B3GLCT: variants seen among roughly 807,000 people sequenced by gnomAD.
The protein encoded by B3GLCT is beta 3-glucosyltransferase.
In B3GLCT, 65 loss-of-function variants were observed where a neutral mutation model predicts 63.4. The observed-to-expected ratio is 1.03, with a 90% CI of 0.84 to 1.26. B3GLCT has a LOEUF of 1.26. Among genes scored for constraint, B3GLCT ranks in the 50% most tolerant of loss-of-function variants. The pLI, the probability that B3GLCT is intolerant of heterozygous loss-of-function variation, is 0.00. For synonymous variants in B3GLCT, 233 were observed against 219.2 expected (o/e 1.06, Z -0.55); for missense variants, 577 against 604.8 (o/e 0.95, Z 0.48).
intron 13 of B3GLCT, among the ~76,000 whole-genome samples, chr13:31,320,389 G>C (rs1875275336): frequency 6.6e-6 from 1 of 152,176 alleles, no homozygotes; most frequent in Admixed American, 6.5e-5. Context: ...GAAAGCCCAA[G>C]AAAAGTTTTG....
At chr13:31,274,476 T>C in intron 8 of B3GLCT, 33 bp from the exon 9 acceptor site, 1 of 1,614,134 alleles carries the variant, frequency 6.2e-7, no homozygotes, top group Non-Finnish European at 8.5e-7. Flanking sequence ...GACTGAGTTC[T>C]TTCATCACTG....
At chr13:31,299,059 G>A (rs950496464) in intron 12 of B3GLCT, among the ~76,000 whole-genome samples, 4 of 152,118 alleles carry the variant, frequency 2.6e-5, no homozygotes, top group African/African-American at 4.8e-5. Context: ...TTATTCCAAC[G>A]TACTCCTGCC....
At chr13:31,214,769 A>G (rs1049467018) in intron 1 of B3GLCT, among the ~76,000 whole-genome samples, 3 of 152,208 alleles carry the variant, frequency 2.0e-5, no homozygotes, top group African/African-American at 4.8e-5. Context: ...TTTATAGTTT[A>G]TGTCTATAGA....
intron 12 of B3GLCT, among the ~76,000 whole-genome samples, chr13:31,293,597 C>A (rs150704331): frequency 9.7e-4 from 147 of 152,244 alleles, no homozygotes; most frequent in African/African-American, 2.6e-3. Context: ...GTTTAAAGAT[C>A]TGTTTTATCA....
chr13:31,326,127 A>G (rs1875591551), intron 14 of B3GLCT, among the ~76,000 whole-genome samples: 1 of 152,142 alleles, frequency 6.6e-6, no homozygotes, highest in Non-Finnish European at 1.5e-5. Context: ...GGTAAACTGT[A>G]TGGGATGGAA....
chr13:31,212,298 G>A (rs1433313940), intron 1 of B3GLCT, among the ~76,000 whole-genome samples: 7 of 140,962 alleles, frequency 5.0e-5, no homozygotes, highest in Admixed American at 3.6e-4. Flanking sequence ...TTTTTAAGAC[G>A]GAGTCTTGCT....
At chr13:31,269,396 G>T in intron 8 of B3GLCT, 119 bp downstream of exon 8, 2 of 701,708 alleles carry the variant, frequency 2.9e-6, no homozygotes, top group Non-Finnish European at 5.0e-6. Context: ...ACTCCCCACA[G>T]AGATAATTTC....
chr13:31,280,841 A>G (rs1374143117), intron 10 of B3GLCT, among the ~76,000 whole-genome samples: 1 of 152,244 alleles, frequency 6.6e-6, no homozygotes, highest in African/African-American at 2.4e-5. Context: ...AGGAAGTAAT[A>G]CATATTGACA....
intron 12 of B3GLCT, among the ~76,000 whole-genome samples, chr13:31,308,342 A>ATT (rs1233719327): frequency 2.7e-4 from 5 of 18,744 alleles, no homozygotes; most frequent in African/African-American, 3.9e-4. Flanking sequence ...TAAAAAAAAA[A>ATT]AAATTAAAAA....
At chr13:31,279,629 AC>A (rs1463721073) in intron 10 of B3GLCT, among the ~76,000 whole-genome samples, 1 of 152,160 alleles carries the variant, frequency 6.6e-6, no homozygotes, top group African/African-American at 2.4e-5. Context: ...AGATCACAGG[AC>A]CAGGGCGAAA....
At position 31,264,361 on chromosome 13, in the gene B3GLCT, T is replaced by A. The variant is rs146731329; in HGVS notation, c.596+3279T>A. On this transcript the variant is annotated intron_variant, in intron 7 of 14. Coordinates refer to ENST00000343307, the MANE Select transcript of B3GLCT (RefSeq NM_194318.4). ...AGAGGAGTGAGGCACCAGATAGCCT[T>A]CTGCATGGTGTGTCATCTGCTCGTC... Among the ~76,000 whole-genome samples, 91 of 152,230 alleles carry A rather than the reference T, an allele frequency of 6.0e-4. 1 individual carries two copies. The highest frequency in any genetic ancestry group is 2.1e-3 in the African/African-American group (86 of 41,524).
intron 4 of B3GLCT, among the ~76,000 whole-genome samples, chr13:31,233,928 A>G (rs1870505783): frequency 6.6e-6 from 1 of 152,176 alleles, no homozygotes; most frequent in Admixed American, 6.5e-5. Flanking sequence ...TGGGGATACA[A>G]AGATCAACAA....
chr13:31,312,307 G>A (rs770738336), intron 12 of B3GLCT: 1 of 152,214 alleles, frequency 6.6e-6, no homozygotes, highest in Middle Eastern at 3.2e-3. Context: ...GTAAGATGGA[G>A]TCTTTTTCTG....
chr13:31,293,621 C>G (rs1025877190), intron 12 of B3GLCT, among the ~76,000 whole-genome samples: 4 of 152,094 alleles, frequency 2.6e-5, no homozygotes, highest in African/African-American at 9.7e-5. Flanking sequence ...AGTAGGATTG[C>G]AACCCTTGCT....
intron 1 of B3GLCT, among the ~76,000 whole-genome samples, chr13:31,211,727 AATTT>A (rs943257118): frequency 6.6e-6 from 1 of 152,098 alleles, no homozygotes; most frequent in African/African-American, 2.4e-5. Context: ...GAATTTATGG[AATTT>A]ATTTGACATA....
intron 10 of B3GLCT, among the ~76,000 whole-genome samples, chr13:31,279,433 A>T (rs1185865199): frequency 1.3e-5 from 2 of 152,174 alleles, no homozygotes; most frequent in Non-Finnish European, 2.9e-5. Flanking sequence ...GAGAAATTTT[A>T]AAGCTGGGTG....
chr13:31,236,841 A>G (rs901863398), intron 4 of B3GLCT, among the ~76,000 whole-genome samples: 1 of 152,180 alleles, frequency 6.6e-6, no homozygotes, highest in African/African-American at 2.4e-5. Flanking sequence ...AGATCCATGA[A>G]TGGGGCCAAG....
At chr13:31,320,999 T>G (rs1465009942) in intron 13 of B3GLCT, among the ~76,000 whole-genome samples, 2 of 152,246 alleles carry the variant, frequency 1.3e-5, no homozygotes, top group East Asian at 3.8e-4. Flanking sequence ...TGCAAACCAT[T>G]ATCATTTAAT....
intron 4 of B3GLCT, among the ~76,000 whole-genome samples, chr13:31,232,913 C>G (rs1325536731): frequency 6.6e-6 from 1 of 152,092 alleles, no homozygotes; most frequent in African/African-American, 2.4e-5. Flanking sequence ...CTTTTCTTTC[C>G]CAGAGTTACT....
Sources: allele counts gnomAD v4.1 joint callset (sites outside exome capture counted in the v4.1 genomes callset), GRCh38; gene constraint gnomAD v4.1.1; transcripts MANE v1.5; gene names NCBI Gene and HGNC (gene_info 2026-07-23, HGNC 2026-07-21).